The following TRAK2 variants were observed in gnomAD, a reference collection of about 807,000 sequenced individuals.
The protein encoded by TRAK2 is trafficking kinesin-binding protein 2.
A neutral mutation model predicts 104.6 loss-of-function variants in TRAK2; 81 were observed. That is an observed-to-expected ratio of 0.77 (90% CI 0.65 to 0.93). The LOEUF (loss-of-function observed/expected upper bound fraction) is 0.93, where lower values mean the gene tolerates loss of function less well. Ranked by LOEUF, TRAK2 falls within the 40% of genes least tolerant of loss-of-function variation. TRAK2 has a pLI of 0.00. For synonymous variants in TRAK2, 406 were observed against 394.4 expected (o/e 1.03, Z -0.35); for missense variants, 1,002 against 1,089.0 (o/e 0.92, Z 1.12).
rs1951333110 is a variant in TRAK2 at position 201,380,690 on chromosome 2, T to C, written c.2598A>G (p.Gln866=). ...TTAAATAAACAGCAGAATCTGGTTT[T>C]TGAGGACCAATTTCTGCCTCCTGGC... The part of the protein sequence containing the change: ...GRCQEAEIGP[Q]KPDSAVYLNS... Residue 866 remains glutamine (Q), a synonymous_variant, in exon 16 of 16, where the codon CAA becomes CAG. Coordinates refer to ENST00000332624, the MANE Select transcript of TRAK2 (RefSeq NM_015049.3). 1.2e-6 allele frequency: 2 copies of C among 1,614,090 alleles called. No homozygotes were observed. Among genetic ancestry groups the C allele is most frequent in the Non-Finnish European group, 1.7e-6 (2 of 1,179,984 alleles).
chr2:201,403,859 C>T (rs930057665), intron 3 of TRAK2, among the ~76,000 whole-genome samples: 2 of 151,872 alleles, frequency 1.3e-5, no homozygotes, highest in African/African-American at 4.8e-5. Flanking sequence ...TTAGATAGTG[C>T]AATCAGAATT....
At chr2:201,410,588 T>C in intron 2 of TRAK2, 1 of 1,247,112 alleles carries the variant, frequency 8.0e-7, no homozygotes, top group South Asian at 1.2e-5. Context: ...GAACTGCTAT[T>C]GGTCATAGCA....
At position 201,398,157 on chromosome 2, in the gene TRAK2, A is replaced by G. The variant is rs1951518859; in HGVS notation, c.678T>C (p.Ala226=). Residue 226 remains alanine (A), a synonymous_variant, in exon 6 of 16, where the codon GCT becomes GCC. Transcript: ENST00000332624. ...AGGTTGAACGTACCTTGGATCGAAG[A>G]GCCATATTCTCTTCTTCCAGTTCCT... ...KLKELEEENM[A]LRSKACHIKT... is the part of the protein sequence containing the mutation. The G allele has an allele frequency of 1.2e-6, 2 of 1,613,336 alleles. No homozygotes were observed. The highest frequency in any genetic ancestry group is 2.2e-5 in the South Asian group (2 of 91,048).
At chr2:201,395,239 A>G (rs1951490732) in intron 8 of TRAK2, 75 bp downstream of exon 8, 1 of 1,302,944 alleles carries the variant, frequency 7.7e-7, no homozygotes, top group Non-Finnish European at 1.1e-6. Context: ...TGTTTATTGT[A>G]TCTAGCACTT....
intron 14 of TRAK2, 26 bp downstream of exon 14, chr2:201,386,192 C>T (rs1951388171): frequency 1.9e-6 from 3 of 1,611,944 alleles, no homozygotes; most frequent in African/African-American, 2.7e-5. Flanking sequence ...GTTATTATAC[C>T]ATATTCAACC....
At chr2:201,400,159 T>C (rs1160917382) in intron 4 of TRAK2, among the ~76,000 whole-genome samples, 1 of 151,862 alleles carries the variant, frequency 6.6e-6, no homozygotes, top group Non-Finnish European at 1.5e-5. Flanking sequence ...GGGAAGTCTG[T>C]AGAAAAGTCA....
At chr2:201,404,340 A>G (rs1239431315) in intron 3 of TRAK2, among the ~76,000 whole-genome samples, 2 of 152,198 alleles carry the variant, frequency 1.3e-5, no homozygotes, top group Non-Finnish European at 1.5e-5. Flanking sequence ...ATTTCCAGAC[A>G]TAGACTTCCC....
Position 201,393,013 on chromosome 2 carries a change from G to C in TRAK2, c.1009C>G (p.Leu337Val). ...HELQDRNMEC[L>V]GMLHESQEEI... ...TCTTGGGATTCATGTAACATTCCTA[G>C]ACACTCCATATTCCTGTCTTGTAAC... is the stretch of plus-strand genomic sequence containing the variant. The change falls in exon 10 of 16, where the codon CTA becomes GTA. Residue 337 changes from leucine (L) to valine (V), a missense_variant. Leu to Val is a conservative substitution (Grantham distance 32). Transcript: ENST00000332624. 6.2e-7 allele frequency: 1 copy of C among 1,613,506 alleles called. No homozygotes were observed. The highest frequency in any genetic ancestry group is 1.3e-5 in the African/African-American group (1 of 74,962).
chr2:201,398,472 G>T, intron 5 of TRAK2, 118 bp from the exon 6 acceptor site: 2 of 983,280 alleles, frequency 2.0e-6, no homozygotes, highest in Non-Finnish European at 2.9e-6. Context: ...AAAATCAGCT[G>T]CTAGGTTTTA....
At chr2:201,381,293 A>C in intron 15 of TRAK2, 75 bp from the exon 16 acceptor site, 1 of 1,329,186 alleles carries the variant, frequency 7.5e-7, no homozygotes, top group Non-Finnish European at 1.0e-6. Flanking sequence ...ATTTAAAGAA[A>C]TTATAGTAGT....
chr2:201,414,444 T>C (rs1951674816), intron 2 of TRAK2, among the ~76,000 whole-genome samples: 1 of 152,226 alleles, frequency 6.6e-6, no homozygotes, highest in Admixed American at 6.5e-5. Flanking sequence ...AACAAAGTAC[T>C]GGTTAAGAAA....
At position 201,389,414 on chromosome 2, in the gene TRAK2, G is replaced by C. The variant is rs1306837922; in HGVS notation, c.1283C>G (p.Pro428Arg). Residue 428 changes from proline to arginine, a missense_variant, in exon 12 of 16, where the codon CCA becomes CGA. Coordinates refer to ENST00000332624, the MANE Select transcript of TRAK2 (RefSeq NM_015049.3). ...SISFPALLPI[P>R]GSNRSSVIMT... The stretch of plus-strand genomic sequence containing the variant: ...GATGACACTTGAACGGTTGGAGCCT[G>C]GAATGGGTAACAGAGCTGGGAATGA... The C allele has an allele frequency of 4.3e-6, 7 of 1,614,152 alleles. No individual in the cohort carries two copies. Among genetic ancestry groups the C allele is most frequent in the Non-Finnish European group, 5.9e-6 (7 of 1,180,024 alleles).
At position 201,398,155 on chromosome 2, in the gene TRAK2, A is replaced by T; in HGVS notation, c.680T>A (p.Leu227His). ...LKELEEENMA[L>H]RSKACHIKTE... ...TTAGGTTGAACGTACCTTGGATCGA[A>T]GAGCCATATTCTCTTCTTCCAGTTC... Residue 227 changes from leucine (L) to histidine (H), a missense_variant, in exon 6 of 16, where the codon CTT (leucine) becomes CAT (histidine). Leu to His is a moderately conservative substitution (Grantham distance 99). Coordinates refer to ENST00000332624, the MANE Select transcript of TRAK2 (RefSeq NM_015049.3). The T allele has an allele frequency of 6.2e-7, 1 of 1,613,490 alleles. No individual in the cohort carries two copies. The highest frequency in any genetic ancestry group is 2.2e-5 in the East Asian group (1 of 44,868).
intron 4 of TRAK2, among the ~76,000 whole-genome samples, chr2:201,399,696 T>C (rs1217651758): frequency 3.3e-5 from 5 of 152,094 alleles, no homozygotes; most frequent in Non-Finnish European, 7.4e-5. Flanking sequence ...ACCACCACTG[T>C]TCTAAATGCA....
rs2125638677 is a variant in TRAK2, at chr2:201,381,057, A to C, written c.2231T>G (p.Leu744Arg). The change falls in exon 16 of 16, where the codon CTT becomes CGT. Residue 744 changes from leucine to arginine, a missense_variant. Leu to Arg is a moderately radical substitution (Grantham distance 102). Transcript: ENST00000332624. ...TFSSTMSLAK[L>R]LQERGISAKV... ...GGCAGAGATGCCTCGCTCTTGTAGA[A>C]GTTTGGCCAAGCTCATGGTGCTACT... 6.2e-7 allele frequency: 1 copy of C among 1,614,088 alleles called. No homozygotes were observed. Among genetic ancestry groups the C allele is most frequent in the Non-Finnish European group, 8.5e-7 (1 of 1,179,992 alleles).
chr2:201,398,487 C>G, intron 5 of TRAK2, 133 bp from the exon 6 acceptor site: 1 of 785,944 alleles, frequency 1.3e-6, no homozygotes, highest in Non-Finnish European at 2.0e-6. Context: ...GTTTTACTGA[C>G]TAACGCAACA....
rs200602995 is a variant in TRAK2, at chr2:201,399,447, A to T, written c.410T>A (p.Leu137Ter). ...ELAARIGQAL[L>*]KRNHVLSEQN... ...CTCAGATAAGACATGGTTCCGCTTT[A>T]AGAGAGCTTGTCCAATTCGAGCAGC... The change falls in exon 5 of 16, where the codon TTA becomes TAA. Residue 137 changes from leucine to a stop codon, truncating the protein, a stop_gained. Transcript: ENST00000332624. LOFTEE classifies it high-confidence loss of function. The T allele has an allele frequency of 1.9e-6, 3 of 1,612,756 alleles. No individual in the cohort carries two copies. In the East Asian group the frequency reaches 6.7e-5, roughly 36 times the overall value.
chr2:201,394,054 G>C (rs990993659), intron 9 of TRAK2, among the ~76,000 whole-genome samples: 14 of 151,884 alleles, frequency 9.2e-5, no homozygotes, highest in Non-Finnish European at 1.8e-4. Flanking sequence ...TTGGCTCCAG[G>C]TGATACTAAT....
chr2:201,434,392 C>G (rs1157801359), intron 1 of TRAK2, among the ~76,000 whole-genome samples: 2 of 152,108 alleles, frequency 1.3e-5, no homozygotes, highest in Non-Finnish European at 2.9e-5. Flanking sequence ...ATTTGTAATA[C>G]AGAATACCTC....
Sources: allele counts gnomAD v4.1 joint callset (sites outside exome capture counted in the v4.1 genomes callset), GRCh38; gene constraint gnomAD v4.1.1; transcripts MANE v1.5; gene names NCBI Gene and HGNC (gene_info 2026-07-23, HGNC 2026-07-21).